Variants in SGMS1 observed in about 807,000 individuals in gnomAD.
SGMS1 encodes sphingomyelin synthase 1.
In SGMS1, 13 loss-of-function variants were observed where a neutral mutation model predicts 46.2. The ratio of observed to expected loss-of-function variants is 0.28; its 90% confidence interval spans 0.18 to 0.45. The LOEUF is 0.45. SGMS1 is among the 20% of genes least tolerant of loss of function. SGMS1 has a pLI of 1.00. For synonymous variants in SGMS1, 203 were observed against 187.8 expected, an observed-to-expected ratio of 1.08 and a Z score of -0.66; for missense variants, 324 against 519.9, an observed-to-expected ratio of 0.62 and a Z score of 3.66.
intron 2 of SGMS1, among the ~76,000 whole-genome samples, chr10:50,544,842 C>A (rs1290837509): frequency 6.6e-6 from 1 of 152,204 alleles, no homozygotes; most frequent in Non-Finnish European, 1.5e-5. Context: ...GCTACAACTA[C>A]CCCTTTTCAT....
intron 6 of SGMS1, among the ~76,000 whole-genome samples, chr10:50,357,592 G>C (rs557061639): frequency 2.4e-4 from 36 of 152,172 alleles, no homozygotes; most frequent in African/African-American, 8.4e-4. Flanking sequence ...TCCAACCCCA[G>C]TGTCTCAGTT....
At position 50,487,580 on chromosome 10, in the gene SGMS1, C is replaced by T. The variant is rs548320977; in HGVS notation, c.-497-20648G>A. Among the ~76,000 whole-genome samples the T allele has an allele frequency of 3.9e-5, 6 of 152,140 alleles. 1 individual carries two copies. The South Asian group carries it at 1.0e-3, about 26-fold the overall frequency. ...GCATATTTTGTACACGTTTTTTATG[C>T]CTTATATCTTTTGTATGTTTCTTAT... is the stretch of plus-strand genomic sequence containing the variant. On this transcript the variant is annotated intron_variant, in intron 3 of 10. Coordinates refer to ENST00000361781, the MANE Select transcript of SGMS1 (RefSeq NM_147156.4).
In SGMS1 at chr10:50,353,859, AT is replaced by A. The variant is rs1302131184; in HGVS notation, c.-231-9515del. 1.3e-4 allele frequency among the ~76,000 whole-genome samples: 20 copies of A among 152,366 alleles called. No homozygotes were observed. The East Asian group carries it at 3.8e-3, about 29-fold the overall frequency. Reference sequence around the variant, plus strand: ...TCACAATTGCTTCAAAGAGAATAAAATACCTAGGAATCCAACTTACAAGGGA... The same window carrying A: ...TCACAATTGCTTCAAAGAGAATAAAAACCTAGGAATCCAACTTACAAGGGA... On this transcript the variant is annotated intron_variant, in intron 6 of 10. Transcript: ENST00000361781.
chr10:50,538,089 G>C (rs1838019553), intron 2 of SGMS1, among the ~76,000 whole-genome samples: 1 of 150,156 alleles, frequency 6.7e-6, no homozygotes, highest in Non-Finnish European at 1.5e-5. Context: ...GGGCAACAGA[G>C]TGAGATCCTG....
intron 1 of SGMS1, among the ~76,000 whole-genome samples, chr10:50,616,074 A>G (rs1380156595): frequency 6.6e-6 from 1 of 152,172 alleles, no homozygotes. Context: ...CTTCTTTATT[A>G]TCAACCCTTA....
intron 5 of SGMS1, among the ~76,000 whole-genome samples, chr10:50,433,964 AT>A (rs1849440183): frequency 6.6e-6 from 1 of 152,148 alleles, no homozygotes; most frequent in African/African-American, 2.4e-5. Context: ...ACACCAAATG[AT>A]TTCTTGGCCC....
At chr10:50,590,611 A>G (rs1456920635) in intron 1 of SGMS1, 1 of 152,246 alleles carries the variant, frequency 6.6e-6, no homozygotes. Flanking sequence ...GCCACAAACT[A>G]CTTAACATAT....
At chr10:50,412,314 G>A (rs1482235492) in intron 6 of SGMS1, among the ~76,000 whole-genome samples, 1 of 152,178 alleles carries the variant, frequency 6.6e-6, no homozygotes, top group Non-Finnish European at 1.5e-5. Context: ...CTCTTCCTAA[G>A]CCATGGAACT....
chr10:50,438,341 A>AAAG (rs1849500563), intron 5 of SGMS1, among the ~76,000 whole-genome samples: 1 of 152,238 alleles, frequency 6.6e-6, no homozygotes, highest in Admixed American at 6.5e-5. Context: ...CTTGGTTTTG[A>AAAG]AAGTGCAGGC....
chr10:50,579,210 G>A (rs1006111550), intron 2 of SGMS1, among the ~76,000 whole-genome samples: 1 of 152,094 alleles, frequency 6.6e-6, no homozygotes, highest in Non-Finnish European at 1.5e-5. Flanking sequence ...AGAAGGGTTA[G>A]AAGGTAAACG....
At chr10:50,480,772 G>A (rs1318400117) in intron 3 of SGMS1, among the ~76,000 whole-genome samples, 1 of 152,060 alleles carries the variant, frequency 6.6e-6, no homozygotes, top group Non-Finnish European at 1.5e-5. Flanking sequence ...AGTTCCTGTC[G>A]GGGGGCGGGG....
At chr10:50,371,648 A>T (rs922080328) in intron 6 of SGMS1, among the ~76,000 whole-genome samples, 2 of 152,166 alleles carry the variant, frequency 1.3e-5, no homozygotes, top group African/African-American at 2.4e-5. Flanking sequence ...TATGTTTCAC[A>T]TGATGGGCTT....
intron 7 of SGMS1, among the ~76,000 whole-genome samples, chr10:50,333,956 C>A (rs1488103054): frequency 1.3e-5 from 2 of 152,164 alleles, no homozygotes. Context: ...ATACCATTAT[C>A]CCATTTTACA....
At chr10:50,600,408 C>G (rs1244098109) in intron 1 of SGMS1, among the ~76,000 whole-genome samples, 6 of 152,198 alleles carry the variant, frequency 3.9e-5, no homozygotes, top group Non-Finnish European at 7.3e-5. Flanking sequence ...AGCACTCAGG[C>G]TATTAGTGAC....
chr10:50,451,820 C>T (rs2133662274), intron 5 of SGMS1, among the ~76,000 whole-genome samples: 1 of 152,304 alleles, frequency 6.6e-6, no homozygotes, highest in Middle Eastern at 3.4e-3. Context: ...CAGATCTGCA[C>T]ACTGCACATT....
At chr10:50,485,625 T>C (rs907090606) in intron 3 of SGMS1, among the ~76,000 whole-genome samples, 2 of 151,898 alleles carry the variant, frequency 1.3e-5, no homozygotes. Context: ...CATTTCCGGG[T>C]GCGGTGGCTC....
rs1014999033 is a variant in SGMS1, at chr10:50,311,132, G to A, written c.895+130C>T. The A allele has an allele frequency of 7.5e-6, 8 of 1,064,686 alleles. No homozygotes were observed. The African/African-American group carries it at 1.1e-4, about 15-fold the overall frequency. The allele number at this position is 1,064,686 out of a possible 1,614,324, so 66.0% of individuals were successfully genotyped here. A position where few individuals can be genotyped will look rare whatever the true frequency, so the allele number is the denominator to read the frequency against. On this transcript the variant is annotated intron_variant, in intron 9 of 10. Transcript: ENST00000361781. ...GGTGCCAGTTGCATGGCGATGAGAT[G>A]AAGCTGCAAGCCTCCTGAAGCCTCC...
chr10:50,498,360 A>T lies in SGMS1; in HGVS notation c.-498+21471T>A, dbSNP rs186475441. The stretch of plus-strand genomic sequence containing the variant: ...TAATTTATCACCTTAATCATTTTTA[A>T]GTATATAGTTTTATGGCTTTAAGTA... On this transcript the variant is annotated intron_variant, in intron 3 of 10. Transcript: ENST00000361781. Among the ~76,000 whole-genome samples, 447 of 152,286 alleles carry T rather than the reference A, an allele frequency of 2.9e-3. 2 individuals carry two copies. Among genetic ancestry groups the T allele is most frequent in the African/African-American group, 0.01 (431 of 41,558 alleles).
At chr10:50,391,411 AT>A (rs2133508543) in intron 6 of SGMS1, among the ~76,000 whole-genome samples, 1 of 152,352 alleles carries the variant, frequency 6.6e-6, no homozygotes, top group Non-Finnish European at 1.5e-5. Context: ...CAATAAGCAT[AT>A]GGAAAAATGC....
Sources: gnomAD v4.1 joint callset for allele counts (sites outside exome capture counted in the v4.1 genomes callset) on GRCh38, gnomAD v4.1.1 for gene constraint, MANE v1.5 for transcripts, NCBI Gene and HGNC (gene_info 2026-07-23, HGNC 2026-07-21) for gene names.